The following SAMSN1 variants were observed in gnomAD, a reference collection of about 807,000 sequenced individuals.
SAMSN1 encodes SAM domain-containing protein SAMSN-1.
A neutral mutation model predicts 42.0 loss-of-function variants in SAMSN1; 31 were observed. The ratio of observed to expected loss-of-function variants is 0.74; its 90% CI spans 0.55 to 1.00. SAMSN1 has a LOEUF of 1.00. Ranked by LOEUF, SAMSN1 falls within the 50% of genes least tolerant of loss-of-function variation. SAMSN1 has a pLI of 0.00. For missense variants in SAMSN1, 464 were observed against 439.4 expected, an observed-to-expected ratio of 1.06 and a Z score of -0.50; for synonymous variants, 178 against 151.9, an observed-to-expected ratio of 1.17 and a Z score of -1.26.
intron 2 of SAMSN1, among the ~76,000 whole-genome samples, chr21:14,568,379 A>G (rs1600935168): frequency 1.3e-5 from 2 of 152,216 alleles, no homozygotes; most frequent in East Asian, 3.8e-4. Context: ...AAGTGTGGAA[A>G]GGCGACTGGA....
intron 1 of SAMSN1, among the ~76,000 whole-genome samples, chr21:14,545,222 AGTTTCAAAATATTGACCATT>A (rs1194956333): frequency 6.6e-6 from 1 of 152,148 alleles, no homozygotes; most frequent in Admixed American, 6.6e-5. Context: ...ACTTCCAAAG[AGTTTCAAAATATTGACCATT>A]GTTCAATGTC....
chr21:14,515,645 C>A (rs1020531131), intron 3 of SAMSN1, among the ~76,000 whole-genome samples: 1 of 151,884 alleles, frequency 6.6e-6, no homozygotes, highest in Non-Finnish European at 1.5e-5. Flanking sequence ...AATTGGACTA[C>A]AATAAAATTA....
At chr21:14,641,179 C>A (rs1391917280) in intron 2 of SAMSN1, among the ~76,000 whole-genome samples, 1 of 152,102 alleles carries the variant, frequency 6.6e-6, no homozygotes, top group Non-Finnish European at 1.5e-5. Context: ...ATTGCCCCCT[C>A]TTATGCATAT....
intron 1 of SAMSN1, among the ~76,000 whole-genome samples, chr21:14,644,842 A>C (rs1272790922): frequency 6.6e-6 from 1 of 152,024 alleles, no homozygotes; most frequent in Non-Finnish European, 1.5e-5. Flanking sequence ...AAGCTGACTT[A>C]AGAGACCTTG....
At chr21:14,563,866 T>C (rs752697313) in intron 2 of SAMSN1, among the ~76,000 whole-genome samples, 4 of 152,164 alleles carry the variant, frequency 2.6e-5, no homozygotes, top group Non-Finnish European at 2.9e-5. Context: ...TCAGCATAAG[T>C]AGTGGTAGAA....
intron 2 of SAMSN1, among the ~76,000 whole-genome samples, chr21:14,580,139 A>G (rs1312183772): frequency 7.7e-6 from 1 of 129,358 alleles, no homozygotes; most frequent in Non-Finnish European, 1.8e-5. Flanking sequence ...GGATGATGGG[A>G]TGGGTTCTAA....
At chr21:14,540,988 G>A (rs1013784479) in intron 1 of SAMSN1, among the ~76,000 whole-genome samples, 7 of 152,084 alleles carry the variant, frequency 4.6e-5, no homozygotes, top group African/African-American at 1.5e-4. Flanking sequence ...GTAGGGACAT[G>A]GATGAAGCTG....
At chr21:14,579,081 T>C (rs1167700056) in intron 2 of SAMSN1, among the ~76,000 whole-genome samples, 1 of 152,212 alleles carries the variant, frequency 6.6e-6, no homozygotes, top group Non-Finnish European at 1.5e-5. Context: ...GTTGTTGTTA[T>C]AGAATATATG....
chr21:14,583,886 C>T (rs1981837965), upstream of SAMSN1: 1 of 585,306 alleles, frequency 1.7e-6, no homozygotes. Flanking sequence ...ACCTTAAAAC[C>T]TGAAGCCTGA....
intron 6 of SAMSN1, among the ~76,000 whole-genome samples, chr21:14,595,176 A>G (rs1248852849): frequency 1.3e-5 from 2 of 152,164 alleles, no homozygotes; most frequent in African/African-American, 4.8e-5. Context: ...GGCCCCACCT[A>G]CAACACCAGG....
At chr21:14,658,530 T>C (rs893783927) in intron 1 of SAMSN1, among the ~76,000 whole-genome samples, 3 of 151,952 alleles carry the variant, frequency 2.0e-5, no homozygotes, top group Admixed American at 6.6e-5. Context: ...TAATAGTAAT[T>C]GTTGCAGAAC....
intron 2 of SAMSN1, among the ~76,000 whole-genome samples, chr21:14,566,631 G>A (rs1439539930): frequency 4.6e-5 from 7 of 151,880 alleles, no homozygotes; most frequent in Non-Finnish European, 7.4e-5. Context: ...TCTGCCTCCC[G>A]GGTTCAAGCT....
At chr21:14,512,103 C>T (rs75708286) in intron 4 of SAMSN1, among the ~76,000 whole-genome samples, 20,624 of 152,042 alleles carry the variant, frequency 0.14, 1,503 homozygotes, top group East Asian at 0.25. Flanking sequence ...TACTTCAAGT[C>T]ATTTTGAAAT....
chr21:14,626,800 T>C (rs539120112), intron 2 of SAMSN1, among the ~76,000 whole-genome samples: 1 of 152,292 alleles, frequency 6.6e-6, no homozygotes, highest in African/African-American at 2.4e-5. Context: ...GGATTATAAA[T>C]CATGCTGCTA....
Position 14,500,553 on chromosome 21 carries a change from C to T in SAMSN1, c.744G>A (p.Glu248=), listed in dbSNP as rs535585505. Reference sequence around the variant, plus strand: ...CCTGCAGATGAATCCTCTCTAGGAACTCCTGCAGAGTCTTGGATTTTTTGC... The same window carrying T: ...CCTGCAGATGAATCCTCTCTAGGAATTCCTGCAGAGTCTTGGATTTTTTGC... ...SNSKKSKTLQ[E]FLERIHLQEY... is the part of the protein sequence containing the mutation. Residue 248 remains glutamate (E), a synonymous_variant, in exon 6 of 8, where the codon GAG becomes GAA. Transcript: ENST00000400566. 2 of 1,614,134 alleles carry T rather than the reference C, an allele frequency of 1.2e-6. No individual in the cohort carries two copies. Among genetic ancestry groups the T allele is most frequent in the Non-Finnish European group, 1.7e-6 (2 of 1,180,000 alleles).
At position 14,498,432 on chromosome 21, in the gene SAMSN1, A is replaced by G. The variant is rs1460793422; in HGVS notation, c.919+10T>C. The G allele has an allele frequency of 6.2e-7, 1 of 1,601,994 alleles. No homozygotes were observed. Among genetic ancestry groups the G allele is most frequent in the African/African-American group, 1.3e-5 (1 of 74,168 alleles). On this transcript the variant is annotated intron_variant, in intron 7 of 7. Coordinates refer to ENST00000400566, the MANE Select transcript of SAMSN1 (RefSeq NM_022136.5). ...ATCAGCTGGGGAGAAGAGTAGGTGT[A>G]CACACTTACTTTCTTCTTCAAGGAA...
chr21:14,646,122 C>T (rs1983708749), intron 1 of SAMSN1, among the ~76,000 whole-genome samples: 2 of 152,078 alleles, frequency 1.3e-5, no homozygotes, highest in South Asian at 2.1e-4. Flanking sequence ...TAACAGAGAA[C>T]TTCCCAAACC....
chr21:14,535,143 G>A (rs1979524463), intron 1 of SAMSN1, among the ~76,000 whole-genome samples: 1 of 152,160 alleles, frequency 6.6e-6, no homozygotes, highest in African/African-American at 2.4e-5. Flanking sequence ...CCAGACATAG[G>A]TATTTTTATA....
chr21:14,613,177 A>C (rs1314330747), intron 3 of SAMSN1, among the ~76,000 whole-genome samples: 1 of 152,220 alleles, frequency 6.6e-6, no homozygotes, highest in Non-Finnish European at 1.5e-5. Flanking sequence ...TTTTTACGTG[A>C]AGGTATCTCA....
Sources: allele counts gnomAD v4.1 joint callset (sites outside exome capture counted in the v4.1 genomes callset), GRCh38; gene constraint gnomAD v4.1.1; transcripts MANE v1.5; gene names NCBI Gene and HGNC (gene_info 2026-07-23, HGNC 2026-07-21).